Variants in IL9R observed in about 807,000 individuals in gnomAD.
IL9R encodes the protein interleukin-9 receptor.
In IL9R, 54 loss-of-function variants were observed where a neutral mutation model predicts 56.3. The observed-to-expected ratio is 0.96, with a 90% CI of 0.77 to 1.20. The LOEUF is 1.20. Among genes scored for constraint, IL9R ranks in the 50% most tolerant of loss-of-function variants. The probability of loss-of-function intolerance (pLI) is 0.00; values close to 1 mark genes in which losing one functional copy is unlikely to be tolerated. For missense variants in IL9R, 545 were observed against 629.8 expected (o/e 0.87, Z 1.44); for synonymous variants, 212 against 250.2 (o/e 0.85, Z 1.44).
In IL9R at chrX:156,004,559, C is replaced by T. The variant is rs148050525; in HGVS notation, c.573C>T (p.Ala191=). Residue 191 remains alanine (A), a synonymous_variant, in exon 5 of 9, where the codon GCC becomes GCT. Transcript: ENST00000244174. The part of the protein sequence containing the change: ...YELAFKKQEE[A]WEQAQHRDHI... ...TGGCCTTCAAGAAGCAGGAAGAGGCCTGGGAGGTAACACTTTGGCTGGCTT... is the reference window on the plus strand; with the variant it reads ...TGGCCTTCAAGAAGCAGGAAGAGGCTTGGGAGGTAACACTTTGGCTGGCTT... 5,564 of 1,612,420 alleles carry T rather than the reference C, an allele frequency of 3.5e-3. 177 individuals are homozygous for T. The African/African-American group carries it at 0.065, about 19-fold the overall frequency.
chrX:156,006,850 AC>A (rs1249978143), intron 7 of IL9R, among the ~76,000 whole-genome samples: 1 of 150,568 alleles, frequency 6.6e-6, no homozygotes, highest in East Asian at 2.0e-4. Context: ...GATTGCTGGG[AC>A]AAGGGGACAT....
chrX:156,000,799 G>T (rs1231534866), intron 1 of IL9R, among the ~76,000 whole-genome samples: 10 of 152,188 alleles, frequency 6.6e-5, no homozygotes, highest in African/African-American at 2.2e-4. Context: ...GCCTTCTGCT[G>T]GGGCATGTGC....
intron 5 of IL9R, among the ~76,000 whole-genome samples, chrX:156,005,047 T>C (rs1327118083): frequency 6.6e-6 from 1 of 152,096 alleles, no homozygotes; most frequent in African/African-American, 2.4e-5. Flanking sequence ...CCTGTAGACA[T>C]GTTTGCCTGT....
At chrX:156,009,003 G>GTGTGTGTGTCTC (rs2068216044) in intron 8 of IL9R, among the ~76,000 whole-genome samples, 2 of 36,472 alleles carry the variant, frequency 5.5e-5, no homozygotes, top group Non-Finnish European at 9.4e-5. Context: ...GTGTGTGTTT[G>GTGTGTGTGTCTC]TGTGTGTGTG....
intron 8 of IL9R, among the ~76,000 whole-genome samples, chrX:156,008,661 G>T (rs999381102): frequency 1.3e-5 from 2 of 152,120 alleles, no homozygotes; most frequent in Admixed American, 6.5e-5. Flanking sequence ...GTGAGGATCT[G>T]GTGCCATAGG....
rs1201407677 is a variant in IL9R, at chrX:156,004,647, G to A, written c.579+82G>A. ...GTAGACTCCCCACTCTACATAGGGAGATGTCAACTTGTAGTGATGAGAAGG... is the reference window on the plus strand; with the variant it reads ...GTAGACTCCCCACTCTACATAGGGAAATGTCAACTTGTAGTGATGAGAAGG... On this transcript the variant is annotated intron_variant, in intron 5 of 8. Transcript: ENST00000244174. The A allele has an allele frequency of 1.3e-5, 18 of 1,391,542 alleles. 1 individual carries two copies. The African/African-American group carries it at 1.4e-4, about 11-fold the overall frequency. The allele number at this position is 1,391,542 out of a possible 1,614,324, so 86.2% of individuals were successfully genotyped here.
rs1333508400 is a variant in IL9R at position 156,007,292 on chromosome X, C to T, written c.888-231C>T. Among the ~76,000 whole-genome samples, 8 of 144,750 alleles carry T rather than the reference C, an allele frequency of 5.5e-5. No individual in the cohort carries two copies. In the East Asian group the frequency reaches 8.7e-4, roughly 16 times the overall value. 95.0% of individuals were successfully genotyped at this position (144,750 alleles called of 152,430 possible). On this transcript the variant is annotated intron_variant, in intron 7 of 8. Transcript: ENST00000244174. ...GTTCTGAACCCGCCATCGCAGCTCA[C>T]GCTGTAAAGGACGCGCGCCTCAGTA...
rs775239597 is a variant in IL9R at position 156,003,677 on chromosome X, C to A, written c.255C>A (p.Ser85Arg). The change falls in exon 4 of 9, where the codon AGC becomes AGA. Residue 85 changes from serine (S) to arginine (R), a missense_variant and splice_region_variant. Coordinates refer to ENST00000244174, the MANE Select transcript of IL9R (RefSeq NM_002186.3). ...QGSSPWLLFTSNQAPGGTHKC... is the reference protein window; with the variant it reads ...QGSSPWLLFTRNQAPGGTHKC... ...TGGTGCTGACAAATGCCCTTTCCAG[C>A]AACCAGGCTCCTGGCGGCACACATA... 4.3e-6 allele frequency: 7 copies of A among 1,612,748 alleles called. No individual in the cohort carries two copies. The highest frequency in any genetic ancestry group is 1.3e-5 in the African/African-American group (1 of 75,034).
In IL9R at chrX:156,003,698, AC is replaced by A; in HGVS notation, c.277del (p.His93IlefsTer72). ...CCAGCAACCAGGCTCCTGGCGGCAC[AC>A]ATAAGTGCATCTTGCGGGGCAGTGA... ...FTSNQAPGGT[H>X]KCILRGSECT... On this transcript the variant is annotated frameshift_variant, in exon 4 of 9. Coordinates refer to ENST00000244174, the MANE Select transcript of IL9R (RefSeq NM_002186.3). LOFTEE classifies it high-confidence loss of function. The A allele has an allele frequency of 6.2e-7, 1 of 1,613,490 alleles. No individual in the cohort carries two copies. The highest frequency in any genetic ancestry group is 1.7e-5 in the Admixed American group (1 of 59,942).
In IL9R at chrX:155,999,076, G is replaced by A. The variant is rs3093465; in HGVS notation, c.28+1289G>A. On this transcript the variant is annotated intron_variant, in intron 1 of 8. Coordinates refer to ENST00000244174, the MANE Select transcript of IL9R (RefSeq NM_002186.3). ...AGAGTTGCCTGTGCTCAGGCTCAGG[G>A]GTTCCGTCCAGCTAAGGAGGCCTAC... 2.4e-3 allele frequency among the ~76,000 whole-genome samples: 364 copies of A among 152,204 alleles called. 3 individuals are homozygous for A. Among genetic ancestry groups the A allele is most frequent in the African/African-American group, 8.4e-3 (348 of 41,522 alleles).
At chrX:156,000,139 A>AT (rs1307863311) in intron 1 of IL9R, among the ~76,000 whole-genome samples, 27 of 134,988 alleles carry the variant, frequency 2.0e-4, no homozygotes, top group African/African-American at 8.6e-4. Flanking sequence ...CCGTCTAAAA[A>AT]AAAAAAATAT....
chrX:156,010,121 A>T lies in IL9R; in HGVS notation c.1278A>T (p.Ser426=). 6.3e-7 allele frequency: 1 copy of T among 1,583,556 alleles called. No individual in the cohort carries two copies. Among genetic ancestry groups the T allele is most frequent in the Non-Finnish European group, 8.5e-7 (1 of 1,177,184 alleles). Residue 426 remains serine (S), a synonymous_variant, in exon 9 of 9, where the codon TCA becomes TCT. Coordinates refer to ENST00000244174, the MANE Select transcript of IL9R (RefSeq NM_002186.3). ...TSLTRPAPPD[S]EGSRSSSSSS... ...TGACTAGGCCGGCTCCCCCAGACTC[A>T]GAGGGCAGCAGGAGCAGCAGCAGCA...
At chrX:155,999,337 G>T (rs1363467090) in intron 1 of IL9R, among the ~76,000 whole-genome samples, 2 of 152,090 alleles carry the variant, frequency 1.3e-5, no homozygotes, top group African/African-American at 4.8e-5. Flanking sequence ...CGTTCCCACA[G>T]GCATTTACCT....
Position 156,010,138 on chromosome X carries a change from G to A in IL9R, c.1295G>A (p.Ser432Asn), listed in dbSNP as rs1425564005. ...APPDSEGSRS[S>N]SSSSSSNNNN... The stretch of plus-strand genomic sequence containing the variant: ...CCAGACTCAGAGGGCAGCAGGAGCA[G>A]CAGCAGCAGCAGCAGCAGCAACAAC... Residue 432 changes from serine to asparagine, a missense_variant, in exon 9 of 9, where the codon AGC becomes AAC. By Grantham distance (46) the Ser-to-Asn change is conservative. Around this residue, in one of 2 missense-constraint regions of IL9R, gnomAD observed 114 missense variants for 269.8 expected, o/e 0.42. Coordinates refer to ENST00000244174, the MANE Select transcript of IL9R (RefSeq NM_002186.3). The A allele has an allele frequency of 5.8e-6, 9 of 1,543,618 alleles. No individual in the cohort carries two copies. Among genetic ancestry groups the A allele is most frequent in the Non-Finnish European group, 7.7e-6 (9 of 1,161,294 alleles).
chrX:155,999,850 G>A (rs1484937870), intron 1 of IL9R, among the ~76,000 whole-genome samples: 1 of 152,128 alleles, frequency 6.6e-6, no homozygotes, highest in Non-Finnish European at 1.5e-5. Context: ...ATATGGCCAG[G>A]CATGTTGGCT....
rs142994195 is a variant in IL9R, at chrX:156,006,183, G to A, written c.882G>A (p.Ser294=). Residue 294 remains serine (S), a synonymous_variant, in exon 7 of 9, where the codon TCG becomes TCA. Coordinates refer to ENST00000244174, the MANE Select transcript of IL9R (RefSeq NM_002186.3). ...CGACCTACCTCCTGTTCAAGCTGTC[G>A]CCCAGGTAGGTGGCTGATGTGTGCG... ...TGPTYLLFKL[S]PRVKRIFYQN... is the part of the protein sequence containing the mutation. The A allele has an allele frequency of 5.2e-3, 6,500 of 1,261,804 alleles. 8 individuals carry two copies. The highest frequency in any genetic ancestry group is 6.9e-3 in the Non-Finnish European group (5,952 of 864,940). 78.2% of individuals were successfully genotyped at this position (1,261,804 alleles called of 1,614,324 possible).
At chrX:156,009,551 AG>A (rs1177939119) in intron 8 of IL9R, among the ~76,000 whole-genome samples, 1 of 145,114 alleles carries the variant, frequency 6.9e-6, no homozygotes, top group African/African-American at 2.7e-5. Flanking sequence ...ACCTCGGTTC[AG>A]GCTGCCGTGG....
At chrX:156,004,279 C>G in intron 4 of IL9R, 141 bp from the exon 5 acceptor site, 1 of 768,088 alleles carries the variant, frequency 1.3e-6, no homozygotes, top group East Asian at 2.7e-5. Flanking sequence ...CTTTTGTGGA[C>G]CAGTCTCCCA....
At position 156,006,113 on chromosome X, in the gene IL9R, G is replaced by T. The variant is rs1280704033; in HGVS notation, c.812G>T (p.Gly271Val). 1.9e-6 allele frequency: 3 copies of T among 1,600,768 alleles called. No individual in the cohort carries two copies. The highest frequency in any genetic ancestry group is 3.3e-5 in the Admixed American group (2 of 59,966). Reference sequence around the variant, plus strand: ...CTGATCCCACCCTGGGGGTGGCCAGGCAACACCCTTGTTGCTGTGTCCATC... The same window carrying T: ...CTGATCCCACCCTGGGGGTGGCCAGTCAACACCCTTGTTGCTGTGTCCATC... ...GPLIPPWGWP[G>V]NTLVAVSIFL... The change falls in exon 7 of 9, where the codon GGC becomes GTC. Residue 271 changes from glycine (G) to valine (V), a missense_variant. This residue lies in a region of IL9R where 431 missense variants were observed against 360.0 expected (regional missense o/e 1.20). Coordinates refer to ENST00000244174, the MANE Select transcript of IL9R (RefSeq NM_002186.3).
Sources: allele counts gnomAD v4.1 joint callset (sites outside exome capture counted in the v4.1 genomes callset), GRCh38; gene constraint gnomAD v4.1.1; regional missense constraint gnomAD v4.1.1; transcripts MANE v1.5; gene names NCBI Gene and HGNC (gene_info 2026-07-23, HGNC 2026-07-21).